The following TSHZ2 variants were observed in gnomAD, a reference collection of about 807,000 sequenced individuals.
The protein encoded by TSHZ2 is teashirt homolog 2.
A neutral mutation model predicts 74.4 loss-of-function variants in TSHZ2; 21 were observed. The observed-to-expected ratio is 0.28, with a 90% CI of 0.20 to 0.41. The LOEUF (loss-of-function observed/expected upper bound fraction) is 0.41, where lower values mean the gene tolerates loss of function less well. TSHZ2 is among the 10% of genes least tolerant of loss of function. The probability of loss-of-function intolerance (pLI) is 1.00; values close to 1 mark genes in which losing one functional copy is unlikely to be tolerated. For missense variants in TSHZ2, 1,244 were observed against 1,293.5 expected, an observed-to-expected ratio of 0.96 and a Z score of 0.59; for synonymous variants, 540 against 515.3, an observed-to-expected ratio of 1.05 and a Z score of -0.65.
intron 1 of TSHZ2, among the ~76,000 whole-genome samples, chr20:53,213,959 G>A (rs541162371): frequency 1.3e-5 from 2 of 152,234 alleles, no homozygotes; most frequent in South Asian, 2.1e-4. Flanking sequence ...ATAGGACATT[G>A]TGCTAAGTAC....
At chr20:53,239,842 A>G (rs1169145193) in intron 1 of TSHZ2, among the ~76,000 whole-genome samples, 1 of 152,218 alleles carries the variant, frequency 6.6e-6, no homozygotes, top group South Asian at 2.1e-4. Context: ...ATATCAGGGC[A>G]CAGCAAGGCT....
chr20:53,064,195 G>A (rs530476042), intron 1 of TSHZ2, among the ~76,000 whole-genome samples: 1 of 152,234 alleles, frequency 6.6e-6, no homozygotes, highest in South Asian at 2.1e-4. Context: ...GGATCCGAAT[G>A]GGGAAAAGAC....
intron 1 of TSHZ2, among the ~76,000 whole-genome samples, chr20:53,149,161 C>G (rs1987615375): frequency 6.6e-6 from 1 of 151,104 alleles, no homozygotes; most frequent in Non-Finnish European, 1.5e-5. Context: ...TGACAATGTA[C>G]TGGTCAGCTC....
intron 2 of TSHZ2, among the ~76,000 whole-genome samples, chr20:53,358,870 CT>C (rs1442752286): frequency 3.3e-5 from 5 of 152,166 alleles, no homozygotes; most frequent in Admixed American, 2.6e-4. Flanking sequence ...TTGTCTCTCC[CT>C]TATGAAGTGA....
chr20:53,381,850 C>T (rs1422505111), intron 2 of TSHZ2, among the ~76,000 whole-genome samples: 5 of 152,224 alleles, frequency 3.3e-5, no homozygotes, highest in African/African-American at 1.2e-4. Context: ...ACAGAGATGT[C>T]CCCATTCCCA....
chr20:53,002,192 G>A (rs1982467840), intron 1 of TSHZ2, among the ~76,000 whole-genome samples: 1 of 152,202 alleles, frequency 6.6e-6, no homozygotes, highest in South Asian at 2.1e-4. Context: ...TGGTATCCAT[G>A]TTAGAAATGA....
chr20:53,117,153 A>G (rs975547602), intron 1 of TSHZ2, among the ~76,000 whole-genome samples: 2 of 152,192 alleles, frequency 1.3e-5, no homozygotes, highest in Non-Finnish European at 2.9e-5. Context: ...CAAAGCCCCT[A>G]TCTCTTAATA....
rs966453358 is a variant in TSHZ2 at position 53,253,769 on chromosome 20, C to T, written c.311C>T (p.Ser104Leu). Reference sequence around the variant, plus strand: ...AAGAGTGTCTGCGGCAGAGATGCCTCAGACAAGAAAGCACACACTCACGTC... The same window carrying T: ...AAGAGTGTCTGCGGCAGAGATGCCTTAGACAAGAAAGCACACACTCACGTC... ...DIKSVCGRDASDKKAHTHVRL... is the reference protein window; with the variant it reads ...DIKSVCGRDALDKKAHTHVRL... Residue 104 changes from serine to leucine, a missense_variant, in exon 2 of 3, where the codon TCA (serine) becomes TTA (leucine). Physicochemically the swap from Ser to Leu is moderately radical, Grantham distance 145 (BLOSUM62 -2). Around this residue, in one of 6 missense-constraint regions of TSHZ2, gnomAD observed 470 missense variants for 456.5 expected, o/e 1.03. Coordinates refer to ENST00000371497, the MANE Select transcript of TSHZ2 (RefSeq NM_173485.6). 6.2e-7 allele frequency: 1 copy of T among 1,614,162 alleles called. No homozygotes were observed. The highest frequency in any genetic ancestry group is 8.5e-7 in the Non-Finnish European group (1 of 1,180,022).
intron 1 of TSHZ2, among the ~76,000 whole-genome samples, chr20:53,098,572 A>T (rs1356913870): frequency 1.3e-5 from 2 of 152,154 alleles, no homozygotes; most frequent in Admixed American, 1.3e-4. Context: ...AATGTGTAGA[A>T]TTTTTTTGGT....
intron 2 of TSHZ2, among the ~76,000 whole-genome samples, chr20:53,272,538 G>T (rs142215589): frequency 6.6e-6 from 1 of 152,126 alleles, no homozygotes; most frequent in Non-Finnish European, 1.5e-5. Context: ...TCCTCCATGG[G>T]CGAAATGACA....
intron 2 of TSHZ2, among the ~76,000 whole-genome samples, chr20:53,427,788 C>T (rs954323112): frequency 6.6e-6 from 1 of 152,162 alleles, no homozygotes; most frequent in African/African-American, 2.4e-5. Flanking sequence ...TGGTCTTCTC[C>T]AGTGAATCCC....
chr20:53,284,276 C>T (rs959892462), intron 2 of TSHZ2, among the ~76,000 whole-genome samples: 7 of 152,176 alleles, frequency 4.6e-5, no homozygotes, highest in African/African-American at 1.7e-4. Flanking sequence ...ACCATCAGTG[C>T]AACTTAAGTT....
chr20:53,419,770 A>G (rs922495173), intron 2 of TSHZ2, among the ~76,000 whole-genome samples: 1 of 152,208 alleles, frequency 6.6e-6, no homozygotes, highest in African/African-American at 2.4e-5. Context: ...CCTGACAAAC[A>G]CGGGACATGT....
intron 1 of TSHZ2, among the ~76,000 whole-genome samples, chr20:53,078,922 A>C (rs557528113): frequency 6.6e-6 from 1 of 152,236 alleles, no homozygotes; most frequent in African/African-American, 2.4e-5. Context: ...GGATTTCAAC[A>C]TAATACCCAA....
intron 1 of TSHZ2, among the ~76,000 whole-genome samples, chr20:52,984,194 C>T (rs1305394375): frequency 6.6e-6 from 1 of 152,148 alleles, no homozygotes; most frequent in East Asian, 1.9e-4. Flanking sequence ...GCGGCTGTGG[C>T]TGTGTACCAG....
chr20:53,342,333 C>T (rs1033103667), intron 2 of TSHZ2, among the ~76,000 whole-genome samples: 2 of 136,756 alleles, frequency 1.5e-5, no homozygotes, highest in African/African-American at 5.5e-5. Flanking sequence ...ATGACCTTGA[C>T]TGTTTTAAGG....
At chr20:52,993,576 C>A (rs923703492) in intron 1 of TSHZ2, among the ~76,000 whole-genome samples, 1 of 152,158 alleles carries the variant, frequency 6.6e-6, no homozygotes, top group Non-Finnish European at 1.5e-5. Flanking sequence ...TAAGCAGGAA[C>A]GCTTGTTTGT....
intron 2 of TSHZ2, among the ~76,000 whole-genome samples, chr20:53,298,621 A>T (rs1379961631): frequency 6.6e-6 from 1 of 152,228 alleles, no homozygotes; most frequent in Non-Finnish European, 1.5e-5. Flanking sequence ...GCTGTGCAGA[A>T]GCCAGGGTGC....
chr20:53,302,971 G>A (rs1217676965), intron 2 of TSHZ2, among the ~76,000 whole-genome samples: 1 of 152,154 alleles, frequency 6.6e-6, no homozygotes, highest in Non-Finnish European at 1.5e-5. Context: ...TGCCCACAAA[G>A]GTGGTGAAAA....
Sources: gnomAD v4.1 joint callset for allele counts (sites outside exome capture counted in the v4.1 genomes callset) on GRCh38, gnomAD v4.1.1 for gene constraint, gnomAD v4.1.1 regional missense constraint, MANE v1.5 for transcripts, NCBI Gene and HGNC (gene_info 2026-07-23, HGNC 2026-07-21) for gene names.